The following GNAL variants were observed in gnomAD, a reference collection of about 807,000 sequenced individuals.
GNAL encodes G protein subunit alpha L.
In GNAL, 18 loss-of-function variants were observed where a neutral mutation model predicts 55.1. The observed-to-expected ratio is 0.33, with a 90% CI of 0.23 to 0.48. The LOEUF (loss-of-function observed/expected upper bound fraction) is 0.48. GNAL is among the 20% of genes least tolerant of loss of function. GNAL has a pLI of 0.99. For missense variants in GNAL, 412 were observed against 614.1 expected (o/e 0.67, Z 3.48); for synonymous variants, 253 against 237.0 (o/e 1.07, Z -0.62).
intron 1 of GNAL, among the ~76,000 whole-genome samples, chr18:11,733,217 C>G (rs9966060): frequency 0.092 from 13,942 of 152,254 alleles, 1,290 homozygotes; most frequent in African/African-American, 0.24. Flanking sequence ...GGGGAGCCGT[C>G]GACTGGGGAC....
chr18:11,863,178 C>T lies in GNAL; in HGVS notation c.777+729C>T, dbSNP rs370152369. On this transcript the variant is annotated intron_variant, in intron 6 of 11. Transcript: ENST00000334049. ...ACAGGCGTGAGCCACCGTGCCCAGC[C>T]CACTCCACCAATTCTTAAATAGCAG... 5.3e-5 allele frequency among the ~76,000 whole-genome samples: 8 copies of T among 152,252 alleles called. No homozygotes were observed. In the East Asian group the frequency reaches 1.2e-3, roughly 22 times the overall value.
chr18:11,842,179 C>T (rs1268635726), intron 5 of GNAL, among the ~76,000 whole-genome samples: 2 of 151,802 alleles, frequency 1.3e-5, no homozygotes, highest in Non-Finnish European at 2.9e-5. Flanking sequence ...CAGGGTTTCT[C>T]CATGTTGGTC....
chr18:11,838,061 G>T (rs1258839436), intron 5 of GNAL, among the ~76,000 whole-genome samples: 1 of 152,086 alleles, frequency 6.6e-6, no homozygotes, highest in Non-Finnish European at 1.5e-5. Context: ...AGCCCAGGAG[G>T]TCGAGGCTTC....
intron 4 of GNAL, among the ~76,000 whole-genome samples, chr18:11,824,359 T>C (rs1786566): frequency 0.68 from 103,900 of 151,978 alleles, 37,550 homozygotes; most frequent in Admixed American, 0.81. Flanking sequence ...TTAACTTTGA[T>C]GTAATTTGCA....
intron 6 of GNAL, 150 bp downstream of exon 6, chr18:11,862,599 G>T: frequency 1.6e-6 from 1 of 644,402 alleles, no homozygotes. Context: ...GTGTGTGCGT[G>T]GATTGGTCAT....
In GNAL at chr18:11,816,370, C is replaced by T. The variant is rs186387482; in HGVS notation, c.625-8548C>T. Among the ~76,000 whole-genome samples the T allele has an allele frequency of 8.5e-5, 13 of 152,184 alleles. No homozygotes were observed. The East Asian group carries it at 2.5e-3, about 30-fold the overall frequency. On this transcript the variant is annotated intron_variant, in intron 4 of 11. Coordinates refer to ENST00000334049, the MANE Select transcript of GNAL (RefSeq NM_182978.4). Reference sequence around the variant, plus strand: ...GGAGTGCAGTAGCACAATCTCAGCTCACTGCAGCCTCTGCCTCCCGGGTTC... The same window carrying T: ...GGAGTGCAGTAGCACAATCTCAGCTTACTGCAGCCTCTGCCTCCCGGGTTC...
At chr18:11,735,296 C>T (rs575325208) in intron 1 of GNAL, among the ~76,000 whole-genome samples, 1 of 151,906 alleles carries the variant, frequency 6.6e-6, no homozygotes, top group Non-Finnish European at 1.5e-5. Flanking sequence ...AGTGATCCAC[C>T]CGCCTTGCCC....
chr18:11,884,687 C>A lies in GNAL; in HGVS notation c.*3552C>A. ...CCAGGCACACGTTGAACACCGCAGT[C>A]TTAGAAACAGCAGAGGGAAGACTGC... On this transcript the variant is annotated 3_prime_UTR_variant, in exon 12 of 12. Transcript: ENST00000334049. 2 of 1,540,026 alleles carry A rather than the reference C, an allele frequency of 1.3e-6. No individual in the cohort carries two copies. Among genetic ancestry groups the A allele is most frequent in the South Asian group, 2.3e-5 (2 of 87,810 alleles).
intron 4 of GNAL, among the ~76,000 whole-genome samples, chr18:11,807,516 C>T (rs567906046): frequency 1.3e-5 from 2 of 152,328 alleles, no homozygotes; most frequent in South Asian, 4.1e-4. Flanking sequence ...TGGCCTAAGC[C>T]GGGCCGTGGG....
Position 11,866,821 on chromosome 18 carries a change from G to A in GNAL, c.852-347G>A, listed in dbSNP as rs537603040. Among the ~76,000 whole-genome samples, 10 of 141,196 alleles carry A rather than the reference G, an allele frequency of 7.1e-5. No homozygotes were observed. In the South Asian group the frequency reaches 2.1e-3, roughly 29 times the overall value. The allele number at this position is 141,196 out of a possible 152,430, so 92.6% of individuals were successfully genotyped here. A position where few individuals can be genotyped will look rare whatever the true frequency, so the allele number is the denominator to read the frequency against. ...CAGTGACTTAGCCTGTACTCAGAGAGGCCTGAGTGTCTGAGCAGGTAACCT... is the reference window on the plus strand; with the variant it reads ...CAGTGACTTAGCCTGTACTCAGAGAAGCCTGAGTGTCTGAGCAGGTAACCT... On this transcript the variant is annotated intron_variant, in intron 7 of 11. Coordinates refer to ENST00000334049, the MANE Select transcript of GNAL (RefSeq NM_182978.4).
chr18:11,884,114 C>T lies in GNAL; in HGVS notation c.*2979C>T. 4.1e-6 allele frequency: 1 copy of T among 244,254 alleles called. No individual in the cohort carries two copies. Among genetic ancestry groups the T allele is most frequent in the Non-Finnish European group, 8.1e-6 (1 of 123,510 alleles). The allele number at this position is 244,254 out of a possible 1,614,324, so 15.1% of individuals were successfully genotyped here. ...CATAATCCCAAGTGTGTGCTGGGGC[C>T]ACCAGGCCCTTCCTGGGGGAACAAG... On this transcript the variant is annotated 3_prime_UTR_variant, in exon 12 of 12. Coordinates refer to ENST00000334049, the MANE Select transcript of GNAL (RefSeq NM_182978.4).
intron 1 of GNAL, among the ~76,000 whole-genome samples, chr18:11,698,364 G>A (rs998924761): frequency 6.6e-6 from 1 of 151,938 alleles, no homozygotes; most frequent in Non-Finnish European, 1.5e-5. Context: ...GGTGGTGCAC[G>A]CCTGTGATCC....
chr18:11,811,684 A>C (rs2034820938), intron 4 of GNAL, among the ~76,000 whole-genome samples: 1 of 152,248 alleles, frequency 6.6e-6, no homozygotes, highest in African/African-American at 2.4e-5. Flanking sequence ...GTCAGCAAGA[A>C]TATAGCAAGC....
chr18:11,835,454 C>A (rs1381868782), intron 5 of GNAL, among the ~76,000 whole-genome samples: 2 of 150,526 alleles, frequency 1.3e-5, no homozygotes, highest in African/African-American at 2.4e-5. Flanking sequence ...TAGCAAGAAC[C>A]TGTCTCTAAA....
At chr18:11,758,954 C>G (rs758978796) in intron 4 of GNAL, among the ~76,000 whole-genome samples, 1 of 152,328 alleles carries the variant, frequency 6.6e-6, no homozygotes, top group South Asian at 2.1e-4. Context: ...AGGTCAATCA[C>G]CTGAGGTCAG....
chr18:11,772,108 G>T (rs1390375997), intron 4 of GNAL, among the ~76,000 whole-genome samples: 1 of 152,108 alleles, frequency 6.6e-6, no homozygotes, highest in Non-Finnish European at 1.5e-5. Flanking sequence ...GGAAGATCAT[G>T]GAGAGACATT....
chr18:11,712,060 C>G (rs1283513365), intron 1 of GNAL, among the ~76,000 whole-genome samples: 1 of 152,260 alleles, frequency 6.6e-6, no homozygotes, highest in East Asian at 1.9e-4. Context: ...TTCTCCCTCC[C>G]TCCGTGGGGA....
chr18:11,851,418 C>T (rs1255506273), intron 5 of GNAL: 1 of 1,404,390 alleles, frequency 7.1e-7, no homozygotes, highest in Non-Finnish European at 9.3e-7. Flanking sequence ...GGGACCAAAA[C>T]AAAGGAGCGG....
intron 5 of GNAL, 123 bp from the exon 6 acceptor site, chr18:11,862,272 A>C (rs1278912549): frequency 1.5e-6 from 1 of 652,694 alleles, no homozygotes; most frequent in Non-Finnish European, 2.8e-6. Flanking sequence ...GTAAGAACTC[A>C]CTTCAGCTTC....
Sources: gnomAD v4.1 joint callset for allele counts (sites outside exome capture counted in the v4.1 genomes callset) on GRCh38, gnomAD v4.1.1 for gene constraint, MANE v1.5 for transcripts, NCBI Gene and HGNC (gene_info 2026-07-23, HGNC 2026-07-21) for gene names.